PSMF1: variants seen among roughly 807,000 people sequenced by gnomAD.
PSMF1 encodes the protein proteasome inhibitor subunit 1.
Under a neutral mutation model 29.3 loss-of-function variants are expected in PSMF1, and 30 were observed. That is an observed-to-expected ratio of 1.02 (90% CI 0.77 to 1.39). The LOEUF (loss-of-function observed/expected upper bound fraction) is 1.39. PSMF1 is among the 40% of genes most tolerant of loss of function. The pLI is 0.00. For synonymous variants in PSMF1, 134 were observed against 139.7 expected (o/e 0.96, Z 0.29); for missense variants, 344 against 357.5 (o/e 0.96, Z 0.31).
chr20:1,129,347 G>A (rs765888483), intron 3 of PSMF1, among the ~76,000 whole-genome samples: 195 of 152,254 alleles, frequency 1.3e-3, no homozygotes, highest in South Asian at 2.1e-3. Context: ...AACCTTAACC[G>A]AACCTCAGAA....
chr20:1,147,793 C>A (rs1475667339), intron 4 of PSMF1, among the ~76,000 whole-genome samples: 1 of 152,174 alleles, frequency 6.6e-6, no homozygotes, highest in African/African-American at 2.4e-5. Context: ...CCATCACCAC[C>A]ACTTTGCTCA....
chr20:1,133,569 A>ATATATTTT, intron 3 of PSMF1, among the ~76,000 whole-genome samples: 2 of 53,284 alleles, frequency 3.8e-5, no homozygotes, highest in Non-Finnish European at 9.1e-5. Flanking sequence ...ATATATATAT[A>ATATATTTT]TTTTTTTTTT....
chr20:1,166,360 G>A lies in PSMF1; in HGVS notation c.*1280G>A. ...TCTGCAGCTAGCATTTCAACCATAT[G>A]TGGATCCTTTCATTTCTCAGCTCCC... On this transcript the variant is annotated 3_prime_UTR_variant, in exon 7 of 7. Coordinates refer to ENST00000335877, the MANE Select transcript of PSMF1 (RefSeq NM_006814.5). 2.5e-6 allele frequency: 3 copies of A among 1,210,014 alleles called. No homozygotes were observed. Among genetic ancestry groups the A allele is most frequent in the Non-Finnish European group, 3.6e-6 (3 of 834,072 alleles). The allele number at this position is 1,210,014 out of a possible 1,614,324, so 75.0% of individuals were successfully genotyped here. A position where few individuals can be genotyped will look rare whatever the true frequency, so the allele number is the denominator to read the frequency against.
rs1040105828 is a variant in PSMF1, at chr20:1,164,194, A to G, written c.606-124A>G. On this transcript the variant is annotated intron_variant, in intron 5 of 6. Coordinates refer to ENST00000335877, the MANE Select transcript of PSMF1 (RefSeq NM_006814.5). The surrounding 1 kb of genome is among the most constrained non-coding windows in gnomAD (Gnocchi z 4.1). ...CGCTGGCTCTCAGGCAGCCATCCAC[A>G]TGTCTGCTTGGGCCATCCAGAGTAG... The G allele has an allele frequency of 8.9e-6, 9 of 1,011,158 alleles. No individual in the cohort carries two copies. Among genetic ancestry groups the G allele is most frequent in the Admixed American group, 3.6e-5 (2 of 54,948 alleles). The allele number at this position is 1,011,158 out of a possible 1,614,324, so 62.6% of individuals were successfully genotyped here. A position where few individuals can be genotyped will look rare whatever the true frequency, so the allele number is the denominator to read the frequency against.
chr20:1,172,103 C>A lies in PSMF1; in HGVS notation c.*7023C>A, dbSNP rs1203110234. Among the ~76,000 whole-genome samples, 1 of 152,236 alleles carries A rather than the reference C, an allele frequency of 6.6e-6. No homozygotes were observed. Among genetic ancestry groups the A allele is most frequent in the Non-Finnish European group, 1.5e-5 (1 of 68,042 alleles). On this transcript the variant is annotated 3_prime_UTR_variant, in exon 7 of 7. Coordinates refer to ENST00000335877, the MANE Select transcript of PSMF1 (RefSeq NM_006814.5). ...GGACTGAGTTCAGTGCTCCCCCAAC[C>A]TGCCCTCCTCCTCTCCCCCACAGAG...
chr20:1,128,223 T>A (rs1470086727), intron 3 of PSMF1, among the ~76,000 whole-genome samples: 1 of 152,206 alleles, frequency 6.6e-6, no homozygotes, highest in African/African-American at 2.4e-5. Context: ...TTTTCTAGAG[T>A]GTCACATAGT....
chr20:1,164,291 C>A lies in PSMF1; in HGVS notation c.606-27C>A. ...CCAAGGGCAGTCCTTGCCACACCTG[C>A]TTACCTAACTTTTCTTCTTGCCTCA... On this transcript the variant is annotated intron_variant, in intron 5 of 6. Coordinates refer to ENST00000335877, the MANE Select transcript of PSMF1 (RefSeq NM_006814.5). This position sits in a 1 kb window ranked among gnomAD's most constrained non-coding sequence, Gnocchi z 4.1. The A allele has an allele frequency of 6.2e-7, 1 of 1,601,144 alleles. No individual in the cohort carries two copies. The highest frequency in any genetic ancestry group is 8.6e-7 in the Non-Finnish European group (1 of 1,168,246).
At chr20:1,117,139 G>C (rs910136683), upstream of PSMF1, among the ~76,000 whole-genome samples, 4 of 152,102 alleles carry the variant, frequency 2.6e-5, no homozygotes, top group Non-Finnish European at 4.4e-5. Context: ...TGAGAGAAGA[G>C]GGGGAGCCAA....
At chr20:1,155,828 A>G (rs1418721576) in intron 4 of PSMF1, among the ~76,000 whole-genome samples, 1 of 152,216 alleles carries the variant, frequency 6.6e-6, no homozygotes, top group Non-Finnish European at 1.5e-5. Flanking sequence ...ATTGCCTGCT[A>G]AAACAAAAAT....
At chr20:1,157,176 G>T (rs1341279740) in intron 4 of PSMF1, among the ~76,000 whole-genome samples, 2 of 152,042 alleles carry the variant, frequency 1.3e-5, no homozygotes, top group Non-Finnish European at 2.9e-5. Flanking sequence ...ATATTCTCTG[G>T]CAGCTAATTA....
intron 4 of PSMF1, among the ~76,000 whole-genome samples, chr20:1,152,323 G>A (rs2086541579): frequency 6.6e-6 from 1 of 152,232 alleles, no homozygotes; most frequent in Non-Finnish European, 1.5e-5. Flanking sequence ...CATTGGAGCA[G>A]GATTCAGCCC....
intron 4 of PSMF1, among the ~76,000 whole-genome samples, chr20:1,162,024 G>A (rs1025113020): frequency 6.6e-6 from 1 of 152,134 alleles, no homozygotes; most frequent in Non-Finnish European, 1.5e-5. Flanking sequence ...CTATGGCTTG[G>A]GGGGTCTGTG....
chr20:1,148,252 G>A (rs1435993168), intron 4 of PSMF1, among the ~76,000 whole-genome samples: 1 of 152,056 alleles, frequency 6.6e-6, no homozygotes, highest in African/African-American at 2.4e-5. Context: ...ATTGGAGGTG[G>A]GCAGGTCTTT....
chr20:1,120,449 T>C (rs1260762838), intron 1 of PSMF1, among the ~76,000 whole-genome samples: 1 of 152,166 alleles, frequency 6.6e-6, no homozygotes, highest in Non-Finnish European at 1.5e-5. Context: ...ACCTTCCAAA[T>C]GTCTTCCAGC....
At chr20:1,147,072 C>G (rs968689484) in intron 4 of PSMF1, among the ~76,000 whole-genome samples, 2 of 152,056 alleles carry the variant, frequency 1.3e-5, no homozygotes, top group African/African-American at 4.8e-5. Context: ...AGTGTCAGCC[C>G]AGAGCGGGTG....
intron 4 of PSMF1, among the ~76,000 whole-genome samples, chr20:1,145,033 C>G (rs2086431865): frequency 6.6e-6 from 1 of 152,074 alleles, no homozygotes; most frequent in South Asian, 2.1e-4. Flanking sequence ...TTACAGATGC[C>G]TGCCACCACA....
upstream of PSMF1, among the ~76,000 whole-genome samples, chr20:1,113,806 C>T (rs1451946892): frequency 1.3e-5 from 2 of 152,140 alleles, no homozygotes; most frequent in Non-Finnish European, 2.9e-5. Context: ...CATTCTCCTG[C>T]CTCAGCCTCC....
intron 3 of PSMF1, among the ~76,000 whole-genome samples, chr20:1,134,132 A>G (rs1264691751): frequency 6.7e-6 from 1 of 148,778 alleles, no homozygotes; most frequent in Non-Finnish European, 1.5e-5. Flanking sequence ...GCTTGCTTTG[A>G]GTTAATTTGC....
chr20:1,163,245 T>C lies in PSMF1; in HGVS notation c.605+62T>C. 6.4e-7 allele frequency: 1 copy of C among 1,554,796 alleles called. No homozygotes were observed. Among genetic ancestry groups the C allele is most frequent in the Non-Finnish European group, 8.9e-7 (1 of 1,128,936 alleles). On this transcript the variant is annotated intron_variant, in intron 5 of 6. Coordinates refer to ENST00000335877, the MANE Select transcript of PSMF1 (RefSeq NM_006814.5). This position sits in a 1 kb window ranked among gnomAD's most constrained non-coding sequence, Gnocchi z 6.1. ...GCTTTTGTGGCTTTTCAGCCCCAGCTCATCTTCTAATTTTAGAGTTTTCGG... is the reference window on the plus strand; with the variant it reads ...GCTTTTGTGGCTTTTCAGCCCCAGCCCATCTTCTAATTTTAGAGTTTTCGG...
Sources: gnomAD v4.1 joint callset for allele counts (sites outside exome capture counted in the v4.1 genomes callset) on GRCh38, gnomAD v4.1.1 for gene constraint, Gnocchi (gnomAD v3.1) non-coding constraint, MANE v1.5 for transcripts, NCBI Gene and HGNC (gene_info 2026-07-23, HGNC 2026-07-21) for gene names.